SHKBP1: variants seen among roughly 807,000 people sequenced by gnomAD.
The protein encoded by SHKBP1 is SH3KBP1-binding protein 1.
Under a neutral mutation model 83.9 loss-of-function variants are expected in SHKBP1, and 71 were observed. The observed-to-expected ratio is 0.85, with a 90% CI of 0.70 to 1.03. The LOEUF (loss-of-function observed/expected upper bound fraction) is 1.03, where lower values mean the gene tolerates loss of function less well. Among genes scored for constraint, SHKBP1 ranks in the 50% least tolerant of loss-of-function variants. SHKBP1 has a pLI of 0.00. For missense variants in SHKBP1, 824 were observed against 982.4 expected (o/e 0.84, Z 2.16); for synonymous variants, 371 against 398.0 (o/e 0.93, Z 0.81).
intron 14 of SHKBP1, 89 bp from the exon 15 acceptor site, chr19:40,588,993 C>A (rs762237898): frequency 2.5e-5 from 35 of 1,415,466 alleles, no homozygotes; most frequent in Non-Finnish European, 3.4e-5. Context: ...GGACTGGGGT[C>A]TTGGGGTGGT....
At chr19:40,583,573 C>A in intron 11 of SHKBP1, 28 bp from the exon 12 acceptor site, 1 of 1,611,224 alleles carries the variant, frequency 6.2e-7, no homozygotes, top group African/African-American at 1.3e-5. Context: ...TTGGAACAAA[C>A]CCGCTCCACC....
In SHKBP1 at chr19:40,581,738, C is replaced by T. The variant is rs1487295683; in HGVS notation, c.845-613C>T. 1.1e-4 allele frequency among the ~76,000 whole-genome samples: 16 copies of T among 152,196 alleles called. 1 individual carries two copies. In the East Asian group the frequency reaches 3.1e-3, roughly 29 times the overall value. On this transcript the variant is annotated intron_variant, in intron 9 of 17. Transcript: ENST00000291842. ...CTGTCTCAAAGCCACAGCAACAAAT[C>T]TCGGACTTATTAATCTGTCCCCAAA...
chr19:40,586,643 G>A lies in SHKBP1; in HGVS notation c.1166-131G>A, dbSNP rs1032254379. ...CAGCTTCCCAAAGTGATGGGATTAC[G>A]GCGTGAGCCACCGTGCCCGGCCTCT... On this transcript the variant is annotated intron_variant, in intron 12 of 17. Transcript: ENST00000291842. 22 of 911,178 alleles carry A rather than the reference G, an allele frequency of 2.4e-5. No homozygotes were observed. The Admixed American group carries it at 6.2e-4, about 26-fold the overall frequency. The allele number at this position is 911,178 out of a possible 1,614,324, so 56.4% of individuals were successfully genotyped here.
chr19:40,582,668 G>C (rs941334127), intron 10 of SHKBP1, among the ~76,000 whole-genome samples: 1 of 152,068 alleles, frequency 6.6e-6, no homozygotes, highest in Non-Finnish European at 1.5e-5. Context: ...GTGCTGCAGA[G>C]CCCACATGAA....
intron 12 of SHKBP1, among the ~76,000 whole-genome samples, chr19:40,584,244 GA>G (rs1343497255): frequency 1.3e-5 from 2 of 152,072 alleles, no homozygotes; most frequent in Non-Finnish European, 2.9e-5. Flanking sequence ...ACTAGGGGCA[GA>G]ATGGACCATT....
intron 12 of SHKBP1, among the ~76,000 whole-genome samples, chr19:40,584,454 C>T (rs1416373127): frequency 6.6e-6 from 1 of 152,140 alleles, no homozygotes; most frequent in Non-Finnish European, 1.5e-5. Flanking sequence ...CATAAAATTT[C>T]CCATTTGAAC....
rs2081357817 is a variant in SHKBP1 at position 40,591,180 on chromosome 19, G to A, written c.2097G>A (p.Lys699=). 6.3e-7 allele frequency: 1 copy of A among 1,591,758 alleles called. No individual in the cohort carries two copies. Among genetic ancestry groups the A allele is most frequent in the Non-Finnish European group, 8.6e-7 (1 of 1,162,462 alleles). The change falls in exon 18 of 18, where the codon AAG becomes AAA. Residue 699 remains lysine, a synonymous_variant. Transcript: ENST00000291842. ...TCGGCACTCCCCTCACACCTCCCAA[G>A]ATGAAGCTCAATGAAACTTCCTTTT... is the stretch of plus-strand genomic sequence containing the variant. The part of the protein sequence containing the change: ...SGLGTPLTPP[K]MKLNETSF
chr19:40,578,261 C>G, intron 5 of SHKBP1, 49 bp downstream of exon 5: 1 of 1,573,614 alleles, frequency 6.4e-7, no homozygotes, highest in Non-Finnish European at 8.7e-7. Flanking sequence ...AAAACCAACT[C>G]TGTGATGCTA....
At position 40,578,074 on chromosome 19, in the gene SHKBP1, A is replaced by G. The variant is rs184915100; in HGVS notation, c.261-80A>G. ...TTCTACCCCTTGACATTCTCTGTGC[A>G]GTTTTGAAAATTACCCTCTCAGCAT... On this transcript the variant is annotated intron_variant, in intron 4 of 17. Coordinates refer to ENST00000291842, the MANE Select transcript of SHKBP1 (RefSeq NM_138392.4). 1.4e-4 allele frequency: 166 copies of G among 1,145,034 alleles called. No individual in the cohort carries two copies. The African/African-American group carries it at 2.2e-3, about 15-fold the overall frequency. 70.9% of individuals were successfully genotyped at this position (1,145,034 alleles called of 1,614,324 possible). A position where few individuals can be genotyped will look rare whatever the true frequency, so the allele number is the denominator to read the frequency against.
rs1395939029 is a variant in SHKBP1, at chr19:40,582,299, TCTC to T, written c.845-44_845-42del. 5.6e-6 allele frequency: 8 copies of T among 1,433,918 alleles called. No homozygotes were observed. The East Asian group carries it at 1.8e-4, about 33-fold the overall frequency. The allele number at this position is 1,433,918 out of a possible 1,614,324, so 88.8% of individuals were successfully genotyped here. On this transcript the variant is annotated intron_variant, in intron 9 of 17. Transcript: ENST00000291842. ...GGTCCTTGGAGTTCTTCCTCCCACCTCTCCTCCTCCATGAGGCAGGGTTCCAGC... is the reference window on the plus strand; with the variant it reads ...GGTCCTTGGAGTTCTTCCTCCCACCTCTCCTCCATGAGGCAGGGTTCCAGC...
At position 40,578,206 on chromosome 19, in the gene SHKBP1, C is replaced by G; in HGVS notation, c.313C>G (p.Pro105Ala). Residue 105 changes from proline (P) to alanine (A), a missense_variant, in exon 5 of 18, where the codon CCT becomes GCT. By Grantham distance (27) the Pro-to-Ala change is conservative. This residue lies in a region of SHKBP1 where 355 missense variants were observed against 386.4 expected (regional missense o/e 0.92). Transcript: ENST00000291842. ...TGAAGCCCAGTTCTATGGGCTCACT[C>G]CTCTGGGTAAGTGGGAGCCCCCAGC... ...LHEAQFYGLT[P>A]LVRRLQLREE... 6.2e-7 allele frequency: 1 copy of G among 1,614,138 alleles called. No individual in the cohort carries two copies. The highest frequency in any genetic ancestry group is 1.3e-5 in the African/African-American group (1 of 75,038).
chr19:40,579,360 A>G (rs574671372), intron 6 of SHKBP1, among the ~76,000 whole-genome samples: 1 of 152,188 alleles, frequency 6.6e-6, no homozygotes. Context: ...AAACCCAAAC[A>G]TAGCAGTGTT....
Position 40,590,241 on chromosome 19 carries a change from C to T in SHKBP1, c.1590-3C>T. ...TGACCACCTCCCCCACTGCACCCCC[C>T]AGGGTGTGCTCCGTGCGCTCCGTGG... is the stretch of plus-strand genomic sequence containing the variant. On this transcript the variant is annotated splice_polypyrimidine_tract_variant and splice_region_variant and intron_variant, in intron 15 of 17. Coordinates refer to ENST00000291842, the MANE Select transcript of SHKBP1 (RefSeq NM_138392.4). This position sits in a 1 kb window ranked among gnomAD's most constrained non-coding sequence, Gnocchi z 4.6. The T allele has an allele frequency of 2.5e-6, 4 of 1,576,540 alleles. No homozygotes were observed. The highest frequency in any genetic ancestry group is 3.4e-6 in the Non-Finnish European group (4 of 1,162,856).
At chr19:40,584,202 G>T (rs1332232479) in intron 12 of SHKBP1, among the ~76,000 whole-genome samples, 3 of 152,136 alleles carry the variant, frequency 2.0e-5, no homozygotes, top group Admixed American at 6.6e-5. Flanking sequence ...ATATAAGCAC[G>T]TTCTAGGTGC....
In SHKBP1 at chr19:40,590,592, C is replaced by T. The variant is rs930903232; in HGVS notation, c.1769-138C>T. 3 of 1,318,524 alleles carry T rather than the reference C, an allele frequency of 2.3e-6. No homozygotes were observed. The highest frequency in any genetic ancestry group is 3.1e-6 in the Non-Finnish European group (3 of 960,918). 81.7% of individuals were successfully genotyped at this position (1,318,524 alleles called of 1,614,324 possible). ...CCTGCCCTTGTTTTTCAACCCCTGT[C>T]TCAGCCTCTGGCCCCCATGCATTGA... On this transcript the variant is annotated intron_variant, in intron 16 of 17. Coordinates refer to ENST00000291842, the MANE Select transcript of SHKBP1 (RefSeq NM_138392.4). This position sits in a 1 kb window ranked among gnomAD's most constrained non-coding sequence, Gnocchi z 4.6.
chr19:40,588,401 G>T (rs935760159), intron 13 of SHKBP1, among the ~76,000 whole-genome samples: 1 of 152,206 alleles, frequency 6.6e-6, no homozygotes, highest in African/African-American at 2.4e-5. Context: ...CCGGTGTGGG[G>T]CAGAGGATAG....
rs774949503 is a variant in SHKBP1 at position 40,580,678 on chromosome 19, G to A, written c.653+22G>A. Reference sequence around the variant, plus strand: ...ACAGGTGCTTGGGGAGGGAGTGGCAGGAGGTCCCAGCCCTGTTGATGGGAA... The same window carrying A: ...ACAGGTGCTTGGGGAGGGAGTGGCAAGAGGTCCCAGCCCTGTTGATGGGAA... On this transcript the variant is annotated intron_variant, in intron 8 of 17. Coordinates refer to ENST00000291842, the MANE Select transcript of SHKBP1 (RefSeq NM_138392.4). 3.7e-6 allele frequency: 6 copies of A among 1,614,110 alleles called. No homozygotes were observed. In the South Asian group the frequency reaches 6.6e-5, roughly 18 times the overall value.
intron 12 of SHKBP1, among the ~76,000 whole-genome samples, chr19:40,584,893 A>G (rs1010621294): frequency 5.3e-5 from 8 of 152,190 alleles, no homozygotes; most frequent in African/African-American, 1.9e-4. Flanking sequence ...TGTAAATGGG[A>G]TCATACATTA....
chr19:40,577,527 C>T, intron 3 of SHKBP1, 30 bp from the exon 4 acceptor site: 1 of 1,614,052 alleles, frequency 6.2e-7, no homozygotes, highest in East Asian at 2.2e-5. Context: ...GCCTTTTACC[C>T]CATCCATCCT....
Sources: allele counts gnomAD v4.1 joint callset (sites outside exome capture counted in the v4.1 genomes callset), GRCh38; gene constraint gnomAD v4.1.1; regional missense constraint gnomAD v4.1.1; non-coding constraint Gnocchi (gnomAD v3.1); transcripts MANE v1.5; gene names NCBI Gene and HGNC (gene_info 2026-07-23, HGNC 2026-07-21).